Variants in ST6GALNAC3 observed in about 807,000 individuals in gnomAD.
ST6GALNAC3 encodes alpha-N-acetylgalactosaminide alpha-2,6-sialyltransferase 3.
ST6GALNAC3 carries 25 observed loss-of-function variants against 32.7 expected under a neutral mutation model. The ratio of observed to expected loss-of-function variants is 0.76; its 90% confidence interval spans 0.56 to 1.07. ST6GALNAC3 has a LOEUF of 1.07. ST6GALNAC3 is among the 50% of genes least tolerant of loss of function. The pLI is 0.00. For synonymous variants in ST6GALNAC3, 129 were observed against 133.1 expected, an observed-to-expected ratio of 0.97 and a Z score of 0.21; for missense variants, 355 against 382.4, an observed-to-expected ratio of 0.93 and a Z score of 0.60.
chr1:76,220,876 G>A (rs926139394), intron 1 of ST6GALNAC3, among the ~76,000 whole-genome samples: 6 of 152,160 alleles, frequency 3.9e-5, no homozygotes, highest in Admixed American at 2.6e-4. Context: ...AAAAAACATT[G>A]CAAAACTGCC....
chr1:76,487,620 C>T lies in ST6GALNAC3; in HGVS notation c.623+75203C>T, dbSNP rs1043317636. ...CTCTACATTGGTTGTTCTAGTTAGC[C>T]ATTTGTCTAATCTTTTTTCAAGGTT... On this transcript the variant is annotated intron_variant, in intron 3 of 4. Coordinates refer to ENST00000328299, the MANE Select transcript of ST6GALNAC3 (RefSeq NM_152996.4). Among the ~76,000 whole-genome samples the T allele has an allele frequency of 3.4e-4, 52 of 152,122 alleles. 1 individual carries two copies. Among genetic ancestry groups the T allele is most frequent in the Non-Finnish European group, 7.4e-5 (5 of 68,022 alleles).
intron 1 of ST6GALNAC3, among the ~76,000 whole-genome samples, chr1:76,135,367 G>T (rs562546085): frequency 1.3e-5 from 2 of 152,170 alleles, no homozygotes; most frequent in East Asian, 3.9e-4. Flanking sequence ...TGTGTGACTT[G>T]CTTTAAAAAT....
chr1:76,165,451 A>G (rs1003602366), intron 1 of ST6GALNAC3, among the ~76,000 whole-genome samples: 1 of 152,096 alleles, frequency 6.6e-6, no homozygotes, highest in Non-Finnish European at 1.5e-5. Flanking sequence ...CAATGTCTTT[A>G]CAAGTGTGAA....
chr1:76,141,085 C>T (rs188343704), intron 1 of ST6GALNAC3, among the ~76,000 whole-genome samples: 13 of 152,180 alleles, frequency 8.5e-5, no homozygotes, highest in Admixed American at 2.0e-4. Flanking sequence ...TTTCCATGCA[C>T]CATGCTGGGA....
chr1:76,269,019 T>C (rs942480433), intron 1 of ST6GALNAC3, among the ~76,000 whole-genome samples: 1 of 152,366 alleles, frequency 6.6e-6, no homozygotes, highest in Non-Finnish European at 1.5e-5. Context: ...ATGTTATTAC[T>C]ACAGCAAAAC....
chr1:76,494,427 GTGTATATATATATA>G (rs1297663813), intron 3 of ST6GALNAC3, among the ~76,000 whole-genome samples: 5 of 71,374 alleles, frequency 7.0e-5, no homozygotes, highest in Admixed American at 1.9e-4. Flanking sequence ...ATGTGTGCAT[GTGTATATATATATA>G]TATATATATA....
At chr1:76,518,547 T>A (rs12133113) in intron 3 of ST6GALNAC3, among the ~76,000 whole-genome samples, 16,051 of 152,184 alleles carry the variant, frequency 0.11, 1,027 homozygotes, top group East Asian at 0.22. Flanking sequence ...CACATCGTGT[T>A]TGTTTAAATA....
chr1:76,450,646 G>A (rs1454910431), intron 3 of ST6GALNAC3, among the ~76,000 whole-genome samples: 1 of 152,080 alleles, frequency 6.6e-6, no homozygotes, highest in East Asian at 1.9e-4. Context: ...TGTCTAGAAG[G>A]GTTATTCCAA....
chr1:76,087,242 A>G (rs1646976578), intron 1 of ST6GALNAC3, among the ~76,000 whole-genome samples: 1 of 152,172 alleles, frequency 6.6e-6, no homozygotes, highest in African/African-American at 2.4e-5. Flanking sequence ...TTAAAACGTT[A>G]TTTGAAGAAA....
At chr1:76,188,681 T>C (rs1393872873) in intron 1 of ST6GALNAC3, among the ~76,000 whole-genome samples, 1 of 152,152 alleles carries the variant, frequency 6.6e-6, no homozygotes, top group East Asian at 1.9e-4. Context: ...GCTTTACCAG[T>C]AACATAAACA....
intron 1 of ST6GALNAC3, among the ~76,000 whole-genome samples, chr1:76,125,870 A>G (rs1649205389): frequency 6.6e-6 from 1 of 152,160 alleles, no homozygotes; most frequent in South Asian, 2.1e-4. Flanking sequence ...CTTCACTGAC[A>G]CTCACCACAC....
At chr1:76,508,688 A>T (rs1661639368) in intron 3 of ST6GALNAC3, among the ~76,000 whole-genome samples, 1 of 152,184 alleles carries the variant, frequency 6.6e-6, no homozygotes, top group African/African-American at 2.4e-5. Context: ...CCAGGGGCTT[A>T]GCTGGACCCC....
At chr1:76,510,492 A>T (rs572978401) in intron 3 of ST6GALNAC3, among the ~76,000 whole-genome samples, 3 of 152,304 alleles carry the variant, frequency 2.0e-5, no homozygotes, top group South Asian at 2.1e-4. Flanking sequence ...AACCAGAGAG[A>T]CGGAACCTAG....
At chr1:76,436,165 A>T (rs984492171) in intron 3 of ST6GALNAC3, among the ~76,000 whole-genome samples, 5 of 152,176 alleles carry the variant, frequency 3.3e-5, no homozygotes, top group Admixed American at 2.6e-4. Context: ...ATTCGAATGC[A>T]AAAAGTGTAA....
chr1:76,263,210 C>T (rs559656796), intron 1 of ST6GALNAC3, among the ~76,000 whole-genome samples: 1 of 152,256 alleles, frequency 6.6e-6, no homozygotes, highest in East Asian at 1.9e-4. Context: ...ATGATTTAAT[C>T]TCTGTCAGCT....
chr1:76,184,570 A>G (rs1006848961), intron 1 of ST6GALNAC3, among the ~76,000 whole-genome samples: 3 of 129,698 alleles, frequency 2.3e-5, no homozygotes, highest in Non-Finnish European at 3.5e-5. Flanking sequence ...CACGAAACAT[A>G]TGGGCAATCC....
intron 2 of ST6GALNAC3, among the ~76,000 whole-genome samples, chr1:76,375,219 C>A (rs1651127922): frequency 6.6e-6 from 1 of 152,224 alleles, no homozygotes; most frequent in South Asian, 2.1e-4. Flanking sequence ...TTCCATTGTA[C>A]AGAAGGAGAT....
intron 1 of ST6GALNAC3, among the ~76,000 whole-genome samples, chr1:76,197,854 T>C (rs114525568): frequency 0.011 from 1,699 of 152,316 alleles, 35 homozygotes; most frequent in African/African-American, 0.038. Flanking sequence ...ATAGGATGTT[T>C]AGTAGCATCT....
intron 3 of ST6GALNAC3, among the ~76,000 whole-genome samples, chr1:76,540,123 T>C (rs1663896672): frequency 6.6e-6 from 1 of 152,164 alleles, no homozygotes; most frequent in Non-Finnish European, 1.5e-5. Context: ...CCATCAGTGA[T>C]AGACTGGATA....
Sources: allele counts gnomAD v4.1 joint callset (sites outside exome capture counted in the v4.1 genomes callset), GRCh38; gene constraint gnomAD v4.1.1; transcripts MANE v1.5; gene names NCBI Gene and HGNC (gene_info 2026-07-23, HGNC 2026-07-21).